NUP188: variants seen among roughly 807,000 people sequenced by gnomAD.
NUP188 encodes nucleoporin 188, also known as nucleoporin NUP188.
In NUP188, 97 loss-of-function variants were observed where a neutral mutation model predicts 223.0. That is an observed-to-expected ratio of 0.43 (90% CI 0.37 to 0.51). NUP188 has a LOEUF of 0.51. NUP188 is among the 20% of genes least tolerant of loss of function. NUP188 has a pLI of 0.00. For synonymous variants in NUP188, 869 were observed against 828.0 expected, an observed-to-expected ratio of 1.05 and a Z score of -0.85; for missense variants, 1,947 against 2,175.6, an observed-to-expected ratio of 0.89 and a Z score of 2.09.
intron 8 of NUP188, among the ~76,000 whole-genome samples, chr9:128,964,536 A>ATTTTTTTT (rs61518157): frequency 8.1e-6 from 1 of 122,872 alleles, no homozygotes; most frequent in Non-Finnish European, 1.7e-5. Context: ...TAATTTTTGT[A>ATTTTTTTT]TTTTTTTTTT....
intron 25 of NUP188, among the ~76,000 whole-genome samples, chr9:128,991,164 T>TC (rs1207298718): frequency 2.8e-4 from 16 of 56,404 alleles, no homozygotes; most frequent in Non-Finnish European, 5.9e-4. Flanking sequence ...CCAGATTTCT[T>TC]TTTTTTTTTT....
rs200707900 is a variant in NUP188 at position 129,001,689 on chromosome 9, C to G, written c.4004C>G (p.Ala1335Gly). The stretch of plus-strand genomic sequence containing the variant: ...AAGCAGAACCTGCATTTCACTGAGG[C>G]CACATTGCATCTGCTCCTCACCCTG... ...RMKQNLHFTEATLHLLLTLAR... is the reference protein window; with the variant it reads ...RMKQNLHFTEGTLHLLLTLAR... The change falls in exon 35 of 44, where the codon GCC (alanine) becomes GGC (glycine). Residue 1335 changes from alanine to glycine, a missense_variant. Physicochemically the swap from Ala to Gly is moderately conservative, Grantham distance 60 (BLOSUM62 0). Coordinates refer to ENST00000372577, the MANE Select transcript of NUP188 (RefSeq NM_015354.3). 1.2e-6 allele frequency: 2 copies of G among 1,613,988 alleles called. No homozygotes were observed. Among genetic ancestry groups the G allele is most frequent in the African/African-American group, 2.7e-5 (2 of 75,052 alleles).
intron 3 of NUP188, among the ~76,000 whole-genome samples, chr9:128,954,444 G>C (rs1217185630): frequency 6.7e-6 from 1 of 149,744 alleles, no homozygotes; most frequent in Non-Finnish European, 1.5e-5. Context: ...GAGTGCAGTG[G>C]CACGATCTCG....
At chr9:128,998,460 C>G in intron 31 of NUP188, 78 bp from the exon 32 acceptor site, 1 of 1,288,776 alleles carries the variant, frequency 7.8e-7, no homozygotes, top group Non-Finnish European at 1.1e-6. Flanking sequence ...GGAAGAAAGG[C>G]AATGAGGCCG....
At chr9:128,960,298 A>G (rs1245288570) in intron 8 of NUP188, among the ~76,000 whole-genome samples, 3 of 151,650 alleles carry the variant, frequency 2.0e-5, no homozygotes, top group South Asian at 4.2e-4. Context: ...CGTGTTAGCC[A>G]GGATGGTCTC....
At position 128,987,102 on chromosome 9, in the gene NUP188, T is replaced by A. The variant is rs1461272292; in HGVS notation, c.2264+227T>A. On this transcript the variant is annotated intron_variant, in intron 22 of 43. Coordinates refer to ENST00000372577, the MANE Select transcript of NUP188 (RefSeq NM_015354.3). ...GAGAGAGAGAGAGTGTGTGTGTGTG[T>A]GTGTGTGTGTGTGTGTGTGTGTGTG... Among the ~76,000 whole-genome samples the A allele has an allele frequency of 5.6e-4, 84 of 150,930 alleles. No individual in the cohort carries two copies. In the South Asian group the frequency reaches 0.011, roughly 19 times the overall value.
At chr9:128,982,244 A>G (rs1415218828) in intron 15 of NUP188, among the ~76,000 whole-genome samples, 1 of 151,678 alleles carries the variant, frequency 6.6e-6, no homozygotes, top group Non-Finnish European at 1.5e-5. Flanking sequence ...CAGCCTGGTC[A>G]ACATGGAAAA....
At chr9:128,957,572 C>T (rs1466018047) in intron 5 of NUP188, among the ~76,000 whole-genome samples, 2 of 151,998 alleles carry the variant, frequency 1.3e-5, no homozygotes, top group Admixed American at 1.3e-4. Flanking sequence ...TCACGCCATT[C>T]TCCTGCCTCA....
Position 128,968,503 on chromosome 9 carries a change from C to T in NUP188, c.586-3C>T, listed in dbSNP as rs768502004. ...TCCCATTTTGTTTTCATTGGTTGTA[C>T]AGACAGAGCGCCAAGTGTCTCGCTG... is the stretch of plus-strand genomic sequence containing the variant. On this transcript the variant is annotated splice_polypyrimidine_tract_variant and splice_region_variant and intron_variant, in intron 8 of 43. Coordinates refer to ENST00000372577, the MANE Select transcript of NUP188 (RefSeq NM_015354.3). The T allele has an allele frequency of 9.3e-6, 15 of 1,612,324 alleles. No individual in the cohort carries two copies. The African/African-American group carries it at 1.9e-4, about 20-fold the overall frequency.
intron 34 of NUP188, among the ~76,000 whole-genome samples, chr9:129,000,306 TAGAG>T (rs929451480): frequency 2.6e-5 from 4 of 152,058 alleles, no homozygotes; most frequent in East Asian, 3.9e-4. Context: ...CATGACCTAT[TAGAG>T]AGAGTCTTGA....
At chr9:128,966,748 T>C (rs1842036192) in intron 8 of NUP188, among the ~76,000 whole-genome samples, 1 of 152,236 alleles carries the variant, frequency 6.6e-6, no homozygotes, top group South Asian at 2.1e-4. Context: ...GCCTACCTTA[T>C]GATCTTTCTT....
At chr9:128,968,447 A>T in intron 8 of NUP188, 59 bp from the exon 9 acceptor site, 1 of 1,304,552 alleles carries the variant, frequency 7.7e-7, no homozygotes, top group Non-Finnish European at 1.1e-6. Context: ...AATGTTCTTT[A>T]AGTACTGTTT....
At chr9:128,959,537 T>TC (rs1841917569) in intron 8 of NUP188, among the ~76,000 whole-genome samples, 1 of 149,086 alleles carries the variant, frequency 6.7e-6, no homozygotes, top group South Asian at 2.2e-4. Flanking sequence ...CTTTTTTTTT[T>TC]TTTTTTTTTT....
chr9:128,987,094 T>A lies in NUP188; in HGVS notation c.2264+219T>A, dbSNP rs113602439. Reference sequence around the variant, plus strand: ...GAGAGAGAGAGAGAGAGAGAGTGTGTGTGTGTGTGTGTGTGTGTGTGTGTG... The same window carrying A: ...GAGAGAGAGAGAGAGAGAGAGTGTGAGTGTGTGTGTGTGTGTGTGTGTGTG... On this transcript the variant is annotated intron_variant, in intron 22 of 43. Coordinates refer to ENST00000372577, the MANE Select transcript of NUP188 (RefSeq NM_015354.3). 0.25 allele frequency among the ~76,000 whole-genome samples: 29,139 copies of A among 118,516 alleles called. 2,916 individuals carry two copies. The highest frequency in any genetic ancestry group is 0.3 in the Admixed American group (3,662 of 12,020). The allele number at this position is 118,516 out of a possible 152,430, so 77.8% of individuals were successfully genotyped here.
Position 128,987,637 on chromosome 9 carries a change from A to G in NUP188, c.2313A>G (p.Thr771=), listed in dbSNP as rs759602722. 6.8e-6 allele frequency: 11 copies of G among 1,614,020 alleles called. No individual in the cohort carries two copies. In the South Asian group the frequency reaches 1.2e-4, roughly 18 times the overall value. The change falls in exon 23 of 44, where the codon ACA becomes ACG. Residue 771 remains threonine (T), a synonymous_variant. Coordinates refer to ENST00000372577, the MANE Select transcript of NUP188 (RefSeq NM_015354.3). Reference sequence around the variant, plus strand: ...TCTGCATCTGCAGCCTGGCATACACAGAAGCAGGACAGACAGTTATCAATA... The same window carrying G: ...TCTGCATCTGCAGCCTGGCATACACGGAAGCAGGACAGACAGTTATCAATA... ...QFLCICSLAY[T]EAGQTVINIM...
intron 33 of NUP188, 37 bp downstream of exon 33, chr9:128,999,354 C>G (rs1842595012): frequency 6.2e-7 from 1 of 1,604,500 alleles, no homozygotes; most frequent in Non-Finnish European, 8.5e-7. Context: ...CAGCTGCAGT[C>G]TGCCCACTCC....
intron 24 of NUP188, among the ~76,000 whole-genome samples, chr9:128,988,697 C>G (rs1842372152): frequency 6.8e-6 from 1 of 146,414 alleles, no homozygotes; most frequent in Non-Finnish European, 1.5e-5. Flanking sequence ...TTGACACATT[C>G]CAGATTTTTT....
intron 12 of NUP188, among the ~76,000 whole-genome samples, chr9:128,975,236 T>C (rs1842159773): frequency 6.7e-6 from 1 of 149,088 alleles, no homozygotes. Flanking sequence ...CTTTTTTTTT[T>C]TTTTTTTGAG....
chr9:128,992,017 C>T (rs1842442602), intron 25 of NUP188, among the ~76,000 whole-genome samples: 2 of 149,832 alleles, frequency 1.3e-5, no homozygotes, highest in South Asian at 4.2e-4. Context: ...AGCCATTCTC[C>T]TGCCTTAGCC....
Sources: allele counts gnomAD v4.1 joint callset (sites outside exome capture counted in the v4.1 genomes callset), GRCh38; gene constraint gnomAD v4.1.1; transcripts MANE v1.5; gene names NCBI Gene and HGNC (gene_info 2026-07-23, HGNC 2026-07-21).